The following CDH18 variants were observed in gnomAD, a reference collection of about 807,000 sequenced individuals.
The protein encoded by CDH18 is cadherin 18, also known as cadherin-18.
In CDH18, 31 loss-of-function variants were observed where a neutral mutation model predicts 67.9. That is an observed-to-expected ratio of 0.46 (90% CI 0.34 to 0.62). The LOEUF is 0.62. CDH18 is among the 20% of genes least tolerant of loss of function. The probability of loss-of-function intolerance (pLI) is 0.01; values close to 1 mark genes in which losing one functional copy is unlikely to be tolerated. For synonymous variants in CDH18, 362 were observed against 347.2 expected (o/e 1.04, Z -0.48); for missense variants, 890 against 975.5 (o/e 0.91, Z 1.17).
At chr5:19,713,826 C>T (rs1033903585) in intron 5 of CDH18, among the ~76,000 whole-genome samples, 2 of 152,008 alleles carry the variant, frequency 1.3e-5, no homozygotes, top group Non-Finnish European at 2.9e-5. Flanking sequence ...TTTGATATTG[C>T]ACTGAAACTG....
intron 2 of CDH18, among the ~76,000 whole-genome samples, chr5:19,971,612 T>A (rs1190386796): frequency 6.6e-6 from 1 of 152,030 alleles, no homozygotes; most frequent in South Asian, 2.1e-4. Context: ...AAATACTCCA[T>A]GTTCTCACTT....
chr5:20,131,927 G>A (rs1355468005), intron 2 of CDH18, among the ~76,000 whole-genome samples: 2 of 151,888 alleles, frequency 1.3e-5, no homozygotes, highest in South Asian at 2.1e-4. Flanking sequence ...CACTCTTGTT[G>A]TCTAGGCTGG....
chr5:20,395,449 G>T (rs1419026454), intron 1 of CDH18, among the ~76,000 whole-genome samples: 1 of 152,038 alleles, frequency 6.6e-6, no homozygotes, highest in Non-Finnish European at 1.5e-5. Flanking sequence ...GAAATAGAGA[G>T]GGTAGGAAGT....
At chr5:19,497,117 C>T (rs1322994129) in intron 11 of CDH18, among the ~76,000 whole-genome samples, 2 of 151,822 alleles carry the variant, frequency 1.3e-5, no homozygotes, top group Non-Finnish European at 2.9e-5. Flanking sequence ...CTCCACTTTC[C>T]CCTACCCCCA....
intron 9 of CDH18, among the ~76,000 whole-genome samples, chr5:19,525,056 CT>C (rs1301557512): frequency 6.6e-6 from 1 of 152,030 alleles, no homozygotes; most frequent in Non-Finnish European, 1.5e-5. Context: ...AATCTCTGCT[CT>C]TTTTCTGAAA....
At chr5:19,686,459 G>A (rs1761106603) in intron 5 of CDH18, among the ~76,000 whole-genome samples, 1 of 152,124 alleles carries the variant, frequency 6.6e-6, no homozygotes, top group Admixed American at 6.5e-5. Context: ...TGGAAAGTTG[G>A]AACACCAGAT....
At chr5:19,729,194 G>C (rs928612685) in intron 4 of CDH18, among the ~76,000 whole-genome samples, 2 of 112,144 alleles carry the variant, frequency 1.8e-5, no homozygotes, top group African/African-American at 6.5e-5. Context: ...TTTATATTCT[G>C]TTCCATAAAT....
intron 1 of CDH18, among the ~76,000 whole-genome samples, chr5:20,429,200 T>C (rs1242608496): frequency 6.6e-6 from 1 of 152,050 alleles, no homozygotes; most frequent in African/African-American, 2.4e-5. Context: ...ACTCTGCAGG[T>C]TGAGAAAAGT....
At position 19,533,921 on chromosome 5, in the gene CDH18, C is replaced by A. The variant is rs1387441154; in HGVS notation, c.1390+9948G>T. 2.6e-5 allele frequency among the ~76,000 whole-genome samples: 4 copies of A among 151,948 alleles called. No homozygotes were observed. In the South Asian group the frequency reaches 6.2e-4, roughly 24 times the overall value. ...GTATTAGAAATTTAATGAAAGGAAA[C>A]CTATAAAATAAATATCTAGCAATGC... On this transcript the variant is annotated intron_variant, in intron 9 of 12. Coordinates refer to ENST00000382275, the MANE Select transcript of CDH18 (RefSeq NM_004934.5).
chr5:19,728,438 A>G (rs1767144948), intron 4 of CDH18, among the ~76,000 whole-genome samples: 1 of 152,190 alleles, frequency 6.6e-6, no homozygotes, highest in African/African-American at 2.4e-5. Context: ...AGAAAGATTT[A>G]AGTACATGAG....
chr5:19,785,787 TAAG>T (rs1281229902), intron 3 of CDH18, among the ~76,000 whole-genome samples: 1 of 131,022 alleles, frequency 7.6e-6, no homozygotes, highest in Non-Finnish European at 1.6e-5. Context: ...GAAGATTAAA[TAAG>T]GTGACATATA....
chr5:19,955,147 T>C (rs1371812655), intron 2 of CDH18, among the ~76,000 whole-genome samples: 2 of 152,102 alleles, frequency 1.3e-5, no homozygotes, highest in East Asian at 1.9e-4. Context: ...AAGAAGGACA[T>C]GTTTGCTTCC....
chr5:19,524,019 G>A (rs1192598592), intron 9 of CDH18, among the ~76,000 whole-genome samples: 3 of 151,874 alleles, frequency 2.0e-5, no homozygotes, highest in Admixed American at 2.0e-4. Context: ...TGTAAAAATA[G>A]AAAACAACAC....
At chr5:20,454,034 A>T (rs1194320544) in intron 1 of CDH18, among the ~76,000 whole-genome samples, 1 of 152,170 alleles carries the variant, frequency 6.6e-6, no homozygotes, top group Non-Finnish European at 1.5e-5. Flanking sequence ...AATAGAATAA[A>T]TAAGAAATAT....
At chr5:19,809,085 C>T (rs1238845770) in intron 3 of CDH18, among the ~76,000 whole-genome samples, 1 of 151,902 alleles carries the variant, frequency 6.6e-6, no homozygotes, top group African/African-American at 2.4e-5. Flanking sequence ...AAAGATGTGG[C>T]CATAAAAATG....
intron 2 of CDH18, among the ~76,000 whole-genome samples, chr5:20,180,807 AAG>A (rs35191088): frequency 0.051 from 7,762 of 152,218 alleles, 234 homozygotes; most frequent in East Asian, 0.14. Context: ...CCTAGGAACA[AAG>A]AGAGAGCTCC....
intron 1 of CDH18, among the ~76,000 whole-genome samples, chr5:20,407,194 C>A (rs1746342496): frequency 6.6e-6 from 1 of 152,136 alleles, no homozygotes; most frequent in Admixed American, 6.6e-5. Context: ...AAAAATCAAG[C>A]TTTCATTTTT....
chr5:20,346,989 G>A (rs1740754529), intron 1 of CDH18, among the ~76,000 whole-genome samples: 1 of 152,094 alleles, frequency 6.6e-6, no homozygotes, highest in Admixed American at 6.6e-5. Context: ...GATACTTCTT[G>A]TTGTTTTTAT....
chr5:19,509,428 C>G (rs1248616816), intron 10 of CDH18, among the ~76,000 whole-genome samples: 2 of 152,098 alleles, frequency 1.3e-5, no homozygotes, highest in African/African-American at 4.8e-5. Flanking sequence ...CCCATGTAAC[C>G]TCTCGATCTA....
Sources: gnomAD v4.1 joint callset for allele counts (sites outside exome capture counted in the v4.1 genomes callset) on GRCh38, gnomAD v4.1.1 for gene constraint, MANE v1.5 for transcripts, NCBI Gene and HGNC (gene_info 2026-07-23, HGNC 2026-07-21) for gene names.